Variants in PIK3CB observed in about 807,000 individuals in gnomAD.
The protein encoded by PIK3CB is phosphatidylinositol 4,5-bisphosphate 3-kinase catalytic subunit beta isoform.
Under a neutral mutation model 136.8 loss-of-function variants are expected in PIK3CB, and 39 were observed. That is an observed-to-expected ratio of 0.29 (90% CI 0.22 to 0.37). PIK3CB has a LOEUF of 0.37. PIK3CB is among the 10% of genes least tolerant of loss of function. PIK3CB has a pLI of 1.00. For missense variants in PIK3CB, 868 were observed against 1,275.4 expected (o/e 0.68, Z 4.87); for synonymous variants, 428 against 436.6 (o/e 0.98, Z 0.25).
intron 2 of PIK3CB, among the ~76,000 whole-genome samples, chr3:138,785,222 G>A (rs2108799424): frequency 6.6e-6 from 1 of 151,150 alleles, no homozygotes; most frequent in African/African-American, 2.4e-5. Flanking sequence ...CAGCCGCCCT[G>A]TCCCGGAGGG....
At chr3:138,716,199 T>C (rs1460596937) in intron 8 of PIK3CB, among the ~76,000 whole-genome samples, 1 of 152,210 alleles carries the variant, frequency 6.6e-6, no homozygotes. Flanking sequence ...TAGGAATTTA[T>C]ATCTGAACAC....
At chr3:138,687,964 T>C (rs2043928371) in intron 16 of PIK3CB, among the ~76,000 whole-genome samples, 1 of 152,126 alleles carries the variant, frequency 6.6e-6, no homozygotes, top group Admixed American at 6.5e-5. Flanking sequence ...ATTCAGAGGA[T>C]TAATAATATT....
intron 12 of PIK3CB, among the ~76,000 whole-genome samples, chr3:138,699,457 C>G (rs1160802958): frequency 6.6e-6 from 1 of 151,568 alleles, no homozygotes; most frequent in Non-Finnish European, 1.5e-5. Flanking sequence ...TTGAGACTAG[C>G]CTGGGCAACG....
At chr3:138,743,550 T>C (rs935550528) in intron 4 of PIK3CB, among the ~76,000 whole-genome samples, 13 of 151,378 alleles carry the variant, frequency 8.6e-5, no homozygotes, top group Non-Finnish European at 1.6e-4. Context: ...AATTCACATA[T>C]AACATTCATT....
chr3:138,745,422 C>T (rs2045333601), intron 4 of PIK3CB, among the ~76,000 whole-genome samples: 1 of 152,128 alleles, frequency 6.6e-6, no homozygotes, highest in Admixed American at 6.5e-5. Context: ...CACTTGAGGT[C>T]AGGAGTTCAA....
intron 1 of PIK3CB, among the ~76,000 whole-genome samples, chr3:138,817,086 C>T (rs1355313389): frequency 2.0e-5 from 3 of 152,074 alleles, no homozygotes; most frequent in African/African-American, 7.2e-5. Flanking sequence ...CGCCTGGAAT[C>T]CCAGCACTTT....
chr3:138,717,226 T>C (rs6795203), intron 8 of PIK3CB, among the ~76,000 whole-genome samples: 88,650 of 148,806 alleles, frequency 0.6, 27,189 homozygotes, highest in East Asian at 0.98. Context: ...TGCACTCCAG[T>C]CTGGGCAACA....
chr3:138,787,377 A>C lies in PIK3CB; in HGVS notation c.-17+9086T>G, dbSNP rs552434001. 1.6e-3 allele frequency among the ~76,000 whole-genome samples: 250 copies of C among 152,050 alleles called. 2 individuals are homozygous for C. The highest frequency in any genetic ancestry group is 2.8e-3 in the Admixed American group (43 of 15,278). On this transcript the variant is annotated intron_variant, in intron 2 of 23. Coordinates refer to ENST00000674063, the MANE Select transcript of PIK3CB (RefSeq NM_006219.3). ...CAAGACTCCGCTCAAAAAAAAAAAAAAAAAGAAGCTCCTAAAGGAAAACTT... is the reference window on the plus strand; with the variant it reads ...CAAGACTCCGCTCAAAAAAAAAAAACAAAAGAAGCTCCTAAAGGAAAACTT...
chr3:138,694,939 A>C, intron 13 of PIK3CB, 32 bp from the exon 14 acceptor site: 1 of 1,582,330 alleles, frequency 6.3e-7, no homozygotes, highest in Non-Finnish European at 8.6e-7. Flanking sequence ...TTCAGAAATA[A>C]TGGGGGACAA....
chr3:138,756,872 CATT>C (rs942265718), intron 3 of PIK3CB, among the ~76,000 whole-genome samples: 3 of 152,016 alleles, frequency 2.0e-5, no homozygotes, highest in African/African-American at 4.8e-5. Context: ...CAGCAAAAGA[CATT>C]ATCAAGAGAA....
intron 1 of PIK3CB, chr3:138,825,604 G>T: frequency 1.6e-6 from 1 of 617,908 alleles, no homozygotes; most frequent in Non-Finnish European, 3.0e-6. Context: ...CCATAAAGAT[G>T]GCAATGCCAG....
At chr3:138,710,238 T>C (rs886334788) in intron 10 of PIK3CB, among the ~76,000 whole-genome samples, 1 of 151,786 alleles carries the variant, frequency 6.6e-6, no homozygotes, top group Non-Finnish European at 1.5e-5. Context: ...TCTCCTACAT[T>C]TGGGGAATAA....
chr3:138,742,524 T>C (rs770225802), intron 5 of PIK3CB, 34 bp downstream of exon 5: 2 of 1,075,502 alleles, frequency 1.9e-6, no homozygotes, highest in Non-Finnish European at 2.8e-6. Context: ...GAGAAATTTA[T>C]TACAAAATAT....
chr3:138,702,102 C>T (rs1349049828), intron 12 of PIK3CB, among the ~76,000 whole-genome samples: 1 of 119,884 alleles, frequency 8.3e-6, no homozygotes, highest in African/African-American at 2.7e-5. Context: ...TTTTGGTTTA[C>T]AATTTTTTTT....
chr3:138,700,049 T>A (rs879468318), intron 12 of PIK3CB, among the ~76,000 whole-genome samples: 1 of 151,846 alleles, frequency 6.6e-6, no homozygotes, highest in Non-Finnish European at 1.5e-5. Flanking sequence ...CTAAAAAAAA[T>A]AGAAATTAAA....
At chr3:138,705,190 CA>C (rs1281520471) in intron 11 of PIK3CB, among the ~76,000 whole-genome samples, 37 of 53,230 alleles carry the variant, frequency 7.0e-4, no homozygotes, top group Middle Eastern at 8.9e-3. Context: ...ACAAAACAAA[CA>C]AAAAAAAAAA....
intron 4 of PIK3CB, among the ~76,000 whole-genome samples, chr3:138,746,803 T>G (rs1350115427): frequency 6.6e-6 from 1 of 151,510 alleles, no homozygotes; most frequent in Admixed American, 6.6e-5. Context: ...TTTTCTTGAA[T>G]CAGATTAGAG....
chr3:138,740,082 G>A (rs2045210660), intron 5 of PIK3CB, among the ~76,000 whole-genome samples: 1 of 151,722 alleles, frequency 6.6e-6, no homozygotes, highest in South Asian at 2.1e-4. Flanking sequence ...AACAGGCCAG[G>A]TGCAGTGGCT....
intron 5 of PIK3CB, 41 bp from the exon 6 acceptor site, chr3:138,737,927 A>G (rs747147996): frequency 8.1e-7 from 1 of 1,234,872 alleles, no homozygotes; most frequent in Non-Finnish European, 1.1e-6. Flanking sequence ...AGTAAATGTT[A>G]TATTTATGCT....
Sources: gnomAD v4.1 joint callset for allele counts (sites outside exome capture counted in the v4.1 genomes callset) on GRCh38, gnomAD v4.1.1 for gene constraint, MANE v1.5 for transcripts, NCBI Gene and HGNC (gene_info 2026-07-23, HGNC 2026-07-21) for gene names.